MYO5A: variants seen among roughly 807,000 people sequenced by gnomAD.
MYO5A encodes myosin VA, also known as unconventional myosin-Va.
MYO5A carries 98 observed loss-of-function variants against 249.7 expected under a neutral mutation model. That is an observed-to-expected ratio of 0.39 (90% CI 0.33 to 0.46). The LOEUF is 0.46. MYO5A is among the 20% of genes least tolerant of loss of function. The pLI is 0.98. For synonymous variants in MYO5A, 778 were observed against 810.6 expected, an observed-to-expected ratio of 0.96 and a Z score of 0.68; for missense variants, 1,696 against 2,308.8, an observed-to-expected ratio of 0.73 and a Z score of 5.44.
intron 1 of MYO5A, among the ~76,000 whole-genome samples, chr15:52,474,210 A>G (rs1411138531): frequency 6.6e-6 from 1 of 152,156 alleles, no homozygotes; most frequent in Non-Finnish European, 1.5e-5. Context: ...TTGATGTGTA[A>G]GAATGCTTGT....
chr15:52,373,681 C>T (rs1450325068), intron 20 of MYO5A, among the ~76,000 whole-genome samples: 1 of 152,138 alleles, frequency 6.6e-6, no homozygotes, highest in Non-Finnish European at 1.5e-5. Flanking sequence ...GAGGCTGCCA[C>T]TGCTAAACCA....
chr15:52,327,642 T>C (rs1276034925), intron 36 of MYO5A, among the ~76,000 whole-genome samples: 1 of 152,192 alleles, frequency 6.6e-6, no homozygotes, highest in African/African-American at 2.4e-5. Flanking sequence ...GGGATTGCAC[T>C]GGGGCTGCAG....
intron 9 of MYO5A, among the ~76,000 whole-genome samples, chr15:52,403,876 C>T (rs1162839592): frequency 6.6e-6 from 1 of 152,066 alleles, no homozygotes; most frequent in Non-Finnish European, 1.5e-5. Context: ...GAAAATTACA[C>T]CTCAAATATT....
At chr15:52,419,773 A>T (rs1187356615) in intron 4 of MYO5A, among the ~76,000 whole-genome samples, 2 of 152,214 alleles carry the variant, frequency 1.3e-5, no homozygotes, top group African/African-American at 2.4e-5. Context: ...ATCAGTACAG[A>T]GCCTATGCAT....
chr15:52,477,403 T>C (rs549242691), intron 1 of MYO5A, among the ~76,000 whole-genome samples: 2 of 152,348 alleles, frequency 1.3e-5, no homozygotes, highest in African/African-American at 4.8e-5. Flanking sequence ...TCTCAACTCG[T>C]CAAAGTCATT....
chr15:52,419,610 G>A (rs1170948814), intron 4 of MYO5A, among the ~76,000 whole-genome samples: 2 of 152,016 alleles, frequency 1.3e-5, no homozygotes, highest in African/African-American at 4.8e-5. Context: ...AATGGTTGCT[G>A]GCACTGTTGA....
intron 27 of MYO5A, 72 bp downstream of exon 27, chr15:52,353,533 A>G: frequency 7.6e-7 from 1 of 1,311,188 alleles, no homozygotes. Context: ...TTCTCTGAGA[A>G]AAAGAGAGGC....
At chr15:52,425,144 AT>A (rs1033779023) in intron 4 of MYO5A, among the ~76,000 whole-genome samples, 1 of 152,010 alleles carries the variant, frequency 6.6e-6, no homozygotes, top group Non-Finnish European at 1.5e-5. Context: ...ATTCAGAAAG[AT>A]TTTTTTTACA....
rs1450924355 is a variant in MYO5A at position 52,523,342 on chromosome 15, T to C, written c.27+5438A>G. On this transcript the variant is annotated intron_variant, in intron 1 of 41. Transcript: ENST00000399233. ...TCAACATGCCTGAAAATGTGTTTACTTGTTTAACCACATCTTTATACCCTG... is the reference window on the plus strand; with the variant it reads ...TCAACATGCCTGAAAATGTGTTTACCTGTTTAACCACATCTTTATACCCTG... Among the ~76,000 whole-genome samples, 6 of 152,246 alleles carry C rather than the reference T, an allele frequency of 3.9e-5. No individual in the cohort carries two copies. The South Asian group carries it at 8.3e-4, about 21-fold the overall frequency.
rs2038179789 is a variant in MYO5A at position 52,319,187 on chromosome 15, G to A, written c.5107C>T (p.His1703Tyr). 8 of 1,614,212 alleles carry A rather than the reference G, an allele frequency of 5.0e-6. No homozygotes were observed. The East Asian group carries it at 1.6e-4, about 31-fold the overall frequency. The change falls in exon 39 of 42, where the codon CAT becomes TAT. Residue 1703 changes from histidine (H) to tyrosine (Y), a missense_variant. This residue lies in a region of MYO5A where 625 missense variants were observed against 908.1 expected (regional missense o/e 0.69). Transcript: ENST00000399233. ...TTGATCAGTTCAGGGTCCATGCCATGCTGACACATGACCGAGTGGAAGGAG... is the reference window on the plus strand; with the variant it reads ...TTGATCAGTTCAGGGTCCATGCCATACTGACACATGACCGAGTGGAAGGAG... ...LNSFHSVMCQHGMDPELIKQV... is the reference protein window; with the variant it reads ...LNSFHSVMCQYGMDPELIKQV...
intron 36 of MYO5A, among the ~76,000 whole-genome samples, chr15:52,325,485 T>C (rs2038557757): frequency 6.6e-6 from 1 of 151,796 alleles, no homozygotes; most frequent in Non-Finnish European, 1.5e-5. Context: ...CACTGCAGCT[T>C]TGACCTCACA....
Position 52,364,569 on chromosome 15 carries a change from C to G in MYO5A, c.3294G>C (p.Glu1098Asp), listed in dbSNP as rs776798660. Residue 1098 changes from glutamate to aspartate, a missense_variant, in exon 24 of 42, where the codon GAG becomes GAC. Transcript: ENST00000399233. The stretch of plus-strand genomic sequence containing the variant: ...TTTGACTCACCACCATAAGGGTCAT[C>G]TCTTCCTTGAGGTCATCATATCTTT... ...LEERYDDLKEEMTLMVHVPKP... is the reference protein window; with the variant it reads ...LEERYDDLKEDMTLMVHVPKP... 1 of 1,613,556 alleles carries G rather than the reference C, an allele frequency of 6.2e-7. No individual in the cohort carries two copies. The highest frequency in any genetic ancestry group is 1.3e-5 in the African/African-American group (1 of 74,922).
intron 9 of MYO5A, among the ~76,000 whole-genome samples, chr15:52,402,940 T>G (rs1017543338): frequency 1.3e-5 from 2 of 152,212 alleles, no homozygotes; most frequent in Non-Finnish European, 2.9e-5. Flanking sequence ...GTAGTACTTA[T>G]AGCTATCATC....
intron 1 of MYO5A, among the ~76,000 whole-genome samples, chr15:52,491,591 G>A (rs2076936804): frequency 6.6e-6 from 1 of 152,176 alleles, no homozygotes; most frequent in South Asian, 2.1e-4. Context: ...ATTCTCTAAA[G>A]TAACATGAGT....
intron 1 of MYO5A, among the ~76,000 whole-genome samples, chr15:52,441,397 C>T (rs2075782976): frequency 6.6e-6 from 1 of 152,042 alleles, no homozygotes; most frequent in Admixed American, 6.6e-5. Context: ...CATATGCCCA[C>T]CACTTAGGTT....
intron 1 of MYO5A, among the ~76,000 whole-genome samples, chr15:52,454,359 A>G (rs570596132): frequency 6.6e-6 from 1 of 152,278 alleles, no homozygotes; most frequent in Non-Finnish European, 1.5e-5. Flanking sequence ...GTACCCAAGT[A>G]TATATAGCAA....
At chr15:52,403,478 T>C (rs2042850590) in intron 9 of MYO5A, among the ~76,000 whole-genome samples, 1 of 152,232 alleles carries the variant, frequency 6.6e-6, no homozygotes, top group African/African-American at 2.4e-5. Flanking sequence ...ATTCCATTTA[T>C]ATGAAATGTC....
intron 28 of MYO5A, among the ~76,000 whole-genome samples, chr15:52,349,979 C>T (rs988182886): frequency 2.6e-5 from 4 of 152,256 alleles, no homozygotes; most frequent in Admixed American, 6.5e-5. Context: ...ATCGCCCAGG[C>T]GGGAGCGCAG....
At chr15:52,510,164 CCA>C (rs56383180) in intron 1 of MYO5A, among the ~76,000 whole-genome samples, 22,644 of 152,144 alleles carry the variant, frequency 0.15, 1,798 homozygotes, top group Middle Eastern at 0.22. Flanking sequence ...TACATACAGC[CCA>C]CACATTCTGA....
Sources: gnomAD v4.1 joint callset for allele counts (sites outside exome capture counted in the v4.1 genomes callset) on GRCh38, gnomAD v4.1.1 for gene constraint, gnomAD v4.1.1 regional missense constraint, MANE v1.5 for transcripts, NCBI Gene and HGNC (gene_info 2026-07-23, HGNC 2026-07-21) for gene names.